Variants in LRMDA observed in about 807,000 individuals in gnomAD.
LRMDA encodes leucine rich melanocyte differentiation associated.
LRMDA carries 18 observed loss-of-function variants against 29.8 expected under a neutral mutation model. The ratio of observed to expected loss-of-function variants is 0.60; its 90% CI spans 0.42 to 0.90. The LOEUF (loss-of-function observed/expected upper bound fraction) is 0.90. LRMDA is among the 40% of genes least tolerant of loss of function. The pLI, the probability that LRMDA is intolerant of heterozygous loss-of-function variation, is 0.00. For missense variants in LRMDA, 273 were observed against 273.9 expected, an observed-to-expected ratio of 1.00 and a Z score of 0.02; for synonymous variants, 125 against 109.4, an observed-to-expected ratio of 1.14 and a Z score of -0.89.
chr10:76,355,479 G>A (rs181455905), intron 6 of LRMDA, among the ~76,000 whole-genome samples: 153 of 152,286 alleles, frequency 1.0e-3, no homozygotes, highest in Admixed American at 1.6e-3. Context: ...CATGCAATGT[G>A]CCAACAACTA....
At chr10:76,420,336 G>T (rs1176698386) in intron 6 of LRMDA, among the ~76,000 whole-genome samples, 1 of 151,588 alleles carries the variant, frequency 6.6e-6, no homozygotes, top group Admixed American at 6.6e-5. Flanking sequence ...GCATAAAATT[G>T]TTCCTAGTAT....
chr10:76,284,852 T>C (rs1163750740), intron 5 of LRMDA, among the ~76,000 whole-genome samples: 1 of 152,192 alleles, frequency 6.6e-6, no homozygotes, highest in Non-Finnish European at 1.5e-5. Flanking sequence ...CTGCACATGC[T>C]TTCTTGCCTG....
chr10:76,256,748 A>G (rs182693445), intron 5 of LRMDA, among the ~76,000 whole-genome samples: 56 of 152,282 alleles, frequency 3.7e-4, no homozygotes, highest in African/African-American at 1.3e-3. Context: ...ACACACTTAA[A>G]AGTTTATCTT....
chr10:75,956,444 C>A (rs1358888140), intron 2 of LRMDA, among the ~76,000 whole-genome samples: 1 of 152,152 alleles, frequency 6.6e-6, no homozygotes, highest in African/African-American at 2.4e-5. Context: ...GTGTCAGCTA[C>A]AAAACACATA....
At chr10:75,587,955 C>A (rs938831650) in intron 2 of LRMDA, among the ~76,000 whole-genome samples, 1 of 152,298 alleles carries the variant, frequency 6.6e-6, no homozygotes, top group East Asian at 1.9e-4. Flanking sequence ...TCTTGTATAA[C>A]CCCTAAAATC....
At chr10:76,032,489 T>C (rs1848166747) in intron 2 of LRMDA, among the ~76,000 whole-genome samples, 1 of 152,252 alleles carries the variant, frequency 6.6e-6, no homozygotes, top group Non-Finnish European at 1.5e-5. Flanking sequence ...GTTCTCTCCG[T>C]TTGAATCCAC....
intron 6 of LRMDA, among the ~76,000 whole-genome samples, chr10:76,381,208 A>C (rs1208571009): frequency 6.6e-6 from 1 of 152,132 alleles, no homozygotes; most frequent in East Asian, 1.9e-4. Flanking sequence ...TTACTATTAC[A>C]TTATCCTTAT....
At chr10:75,770,711 T>C (rs1843228303) in intron 2 of LRMDA, among the ~76,000 whole-genome samples, 1 of 151,994 alleles carries the variant, frequency 6.6e-6, no homozygotes. Flanking sequence ...GGAAGAGAGA[T>C]GGGTGGGTGA....
At chr10:76,065,685 A>G (rs1401994460) in intron 5 of LRMDA, among the ~76,000 whole-genome samples, 1 of 152,260 alleles carries the variant, frequency 6.6e-6, no homozygotes, top group African/African-American at 2.4e-5. Flanking sequence ...CAACCCAACA[A>G]CTGGGAGAAG....
chr10:75,697,745 A>G (rs529120979), intron 2 of LRMDA, among the ~76,000 whole-genome samples: 2 of 152,314 alleles, frequency 1.3e-5, no homozygotes, highest in South Asian at 4.1e-4. Context: ...ATTAAAAAAC[A>G]AAAGCTTAAG....
intron 2 of LRMDA, among the ~76,000 whole-genome samples, chr10:75,853,165 GATGGGGACACAGCCAAACCAT>G (rs1395303944): frequency 6.6e-6 from 1 of 152,112 alleles, no homozygotes; most frequent in Admixed American, 6.5e-5. Flanking sequence ...CTGAGATTTG[GATGGGGACACAGCCAAACCAT>G]ATCAGAAGTG....
intron 5 of LRMDA, among the ~76,000 whole-genome samples, chr10:76,239,740 T>A (rs879872664): frequency 2.6e-5 from 4 of 152,124 alleles, no homozygotes; most frequent in Non-Finnish European, 5.9e-5. Flanking sequence ...TATAATCTGG[T>A]GTCAGATCAA....
chr10:76,387,269 C>T (rs1391004166), intron 6 of LRMDA, among the ~76,000 whole-genome samples: 1 of 152,082 alleles, frequency 6.6e-6, no homozygotes, highest in Non-Finnish European at 1.5e-5. Context: ...AAACTGAAAA[C>T]AGCCTAAATA....
chr10:76,176,822 T>G (rs574033171), intron 5 of LRMDA, among the ~76,000 whole-genome samples: 1 of 152,240 alleles, frequency 6.6e-6, no homozygotes, highest in African/African-American at 2.4e-5. Context: ...ATTGCCAAGG[T>G]AGACCGTAAC....
chr10:75,815,968 C>T (rs527239081), intron 2 of LRMDA, among the ~76,000 whole-genome samples: 1 of 152,228 alleles, frequency 6.6e-6, no homozygotes, highest in African/African-American at 2.4e-5. Context: ...TAGTAAGGAG[C>T]AGAACTGAAA....
intron 5 of LRMDA, among the ~76,000 whole-genome samples, chr10:76,302,015 A>G (rs1001266189): frequency 2.6e-5 from 4 of 152,160 alleles, no homozygotes; most frequent in Non-Finnish European, 5.9e-5. Flanking sequence ...GGAGTAAAGT[A>G]TCTGCATATT....
rs145434843 is a variant in LRMDA, at chr10:75,822,659, C to T, written c.132-213349C>T. Among the ~76,000 whole-genome samples the T allele has an allele frequency of 1.4e-4, 22 of 152,150 alleles. 1 individual carries two copies. The highest frequency in any genetic ancestry group is 4.6e-4 in the African/African-American group (19 of 41,514). On this transcript the variant is annotated intron_variant, in intron 2 of 6. Coordinates refer to ENST00000611255, the MANE Select transcript of LRMDA (RefSeq NM_001305581.2). ...ATAGAGAACCCAGAAATATTACTTA[C>T]CTATAAACAACTGATCTTTGACAAA...
chr10:75,986,817 G>A (rs1847269958), intron 2 of LRMDA, among the ~76,000 whole-genome samples: 1 of 152,216 alleles, frequency 6.6e-6, no homozygotes, highest in African/African-American at 2.4e-5. Context: ...TGCCTCTTTG[G>A]GTTTTCTCCT....
intron 4 of LRMDA, among the ~76,000 whole-genome samples, chr10:76,057,318 T>C (rs940279262): frequency 1.3e-5 from 2 of 152,188 alleles, no homozygotes; most frequent in African/African-American, 4.8e-5. Context: ...GCAGGAAGCA[T>C]GTTGTAATCA....
Sources: gnomAD v4.1 joint callset for allele counts (sites outside exome capture counted in the v4.1 genomes callset) on GRCh38, gnomAD v4.1.1 for gene constraint, MANE v1.5 for transcripts, NCBI Gene and HGNC (gene_info 2026-07-23, HGNC 2026-07-21) for gene names.